TEX11: variants seen among roughly 807,000 people sequenced by gnomAD.
TEX11 encodes the protein testis expressed 11.
Under a neutral mutation model 84.4 loss-of-function variants are expected in TEX11, and 7 were observed. That is an observed-to-expected ratio of 0.08 (90% CI 0.05 to 0.16). The LOEUF (loss-of-function observed/expected upper bound fraction) is 0.16. TEX11 is among the 10% of genes least tolerant of loss of function. The pLI, the probability that TEX11 is intolerant of heterozygous loss-of-function variation, is 1.00. For synonymous variants in TEX11, 264 were observed against 222.8 expected (o/e 1.18, Z -1.64); for missense variants, 551 against 660.5 (o/e 0.83, Z 1.82).
chrX:70,538,071 C>T (rs1432000399), intron 28 of TEX11, among the ~76,000 whole-genome samples: 2 of 111,301 alleles, frequency 1.8e-5, no homozygotes, highest in Non-Finnish European at 3.8e-5. Flanking sequence ...CATAAAAATT[C>T]GTAGTGAGGG....
At chrX:70,613,285 A>G (rs1330161672) in intron 20 of TEX11, among the ~76,000 whole-genome samples, 1 of 111,973 alleles carries the variant, frequency 8.9e-6, no homozygotes, top group African/African-American at 3.2e-5. Context: ...TTGTTGAAAG[A>G]GGAACTGAAG....
At chrX:70,679,427 G>T (rs2147651751) in intron 14 of TEX11, among the ~76,000 whole-genome samples, 1 of 101,054 alleles carries the variant, frequency 9.9e-6, no homozygotes, top group East Asian at 3.2e-4. Flanking sequence ...GAGCCCCTCT[G>T]CCTGGCTGCG....
intron 28 of TEX11, among the ~76,000 whole-genome samples, chrX:70,530,839 T>G (rs1248383177): frequency 2.7e-5 from 3 of 112,050 alleles, no homozygotes; most frequent in Non-Finnish European, 1.9e-5. Flanking sequence ...CTAAAGGTTG[T>G]GCAATGCTTT....
intron 23 of TEX11, among the ~76,000 whole-genome samples, chrX:70,605,787 C>G (rs928904024): frequency 7.2e-5 from 8 of 111,855 alleles, no homozygotes; most frequent in African/African-American, 2.3e-4. Flanking sequence ...GTATCATTCG[C>G]CCTTGTATTT....
At chrX:70,727,299 A>G (rs936176249) in intron 11 of TEX11, among the ~76,000 whole-genome samples, 4 of 111,760 alleles carry the variant, frequency 3.6e-5, no homozygotes, top group Non-Finnish European at 5.6e-5. Context: ...TCTAAAGATA[A>G]TGTACTCATT....
At chrX:70,693,831 G>T (rs1400150652) in intron 13 of TEX11, among the ~76,000 whole-genome samples, 1 of 111,648 alleles carries the variant, frequency 9.0e-6, no homozygotes, top group Non-Finnish European at 1.9e-5. Flanking sequence ...TAGCCTCATT[G>T]TGGTAATCAT....
chrX:70,779,423 A>G (rs1194362545), intron 9 of TEX11, among the ~76,000 whole-genome samples: 1 of 108,870 alleles, frequency 9.2e-6, no homozygotes, highest in East Asian at 2.8e-4. Flanking sequence ...TCAAAAAAAA[A>G]AAAAAAAAAG....
Position 70,554,820 on chromosome X carries a change from G to T in TEX11, c.2141-20C>A. Reference sequence around the variant, plus strand: ...AGGTCCCTAAGAAAGAGGCAAAAATGCAACATTCTTTGTGATTATATTATA... The same window carrying T: ...AGGTCCCTAAGAAAGAGGCAAAAATTCAACATTCTTTGTGATTATATTATA... On this transcript the variant is annotated intron_variant, in intron 25 of 29. Transcript: ENST00000374333. The T allele has an allele frequency of 8.4e-7, 1 of 1,184,212 alleles. No individual in the cohort carries two copies. Among genetic ancestry groups the T allele is most frequent in the Non-Finnish European group, 1.1e-6 (1 of 880,507 alleles).
In TEX11 at chrX:70,782,179, A is replaced by G. The variant is rs762396381; in HGVS notation, c.692+24526T>C. On this transcript the variant is annotated intron_variant, in intron 9 of 29. Transcript: ENST00000374333. ...GGCCAATATTCAACATTCTTAAAGA[A>G]AAGAATTTTCAACCCAGAATTTCAT... Among the ~76,000 whole-genome samples, 140 of 112,048 alleles carry G rather than the reference A, an allele frequency of 1.2e-3. 1 individual carries two copies. The highest frequency in any genetic ancestry group is 4.3e-3 in the African/African-American group (133 of 30,862).
Position 70,624,023 on chromosome X carries a change from T to A in TEX11, c.1695-17A>T. ...AGCAAACACCTGTATGACAAAGTAATATGGAAAGTGATTCTTAGGTTAGGA... is the reference window on the plus strand; with the variant it reads ...AGCAAACACCTGTATGACAAAGTAAAATGGAAAGTGATTCTTAGGTTAGGA... On this transcript the variant is annotated splice_polypyrimidine_tract_variant and intron_variant, in intron 19 of 29. Transcript: ENST00000374333. 8.4e-7 allele frequency: 1 copy of A among 1,184,887 alleles called. No individual in the cohort carries two copies. The highest frequency in any genetic ancestry group is 1.1e-6 in the Non-Finnish European group (1 of 876,917).
the TEX11 span, among the ~76,000 whole-genome samples, chrX:70,521,764 T>C: frequency 1.2e-3 from 138 of 111,959 alleles, no homozygotes; most frequent in Non-Finnish European, 2.4e-3. Context: ...AGTAAGGTAT[T>C]TTGCCTAAGA....
chrX:70,824,727 G>A (rs2091335854), intron 8 of TEX11, among the ~76,000 whole-genome samples: 1 of 110,725 alleles, frequency 9.0e-6, no homozygotes, highest in African/African-American at 3.3e-5. Context: ...TAAGTTCAAG[G>A]CTTATCCTAC....
chrX:70,779,912 C>T (rs2091026842), intron 9 of TEX11, among the ~76,000 whole-genome samples: 1 of 111,744 alleles, frequency 8.9e-6, no homozygotes, highest in South Asian at 3.8e-4. Context: ...AGCCAAGGAC[C>T]TGATGGGTTC....
intron 15 of TEX11, among the ~76,000 whole-genome samples, chrX:70,675,926 G>A (rs932221762): frequency 1.3e-4 from 15 of 111,655 alleles, no homozygotes; most frequent in African/African-American, 4.2e-4. Context: ...CACCGCATCC[G>A]GCCCATTCTA....
intron 9 of TEX11, among the ~76,000 whole-genome samples, chrX:70,783,336 T>A (rs748886448): frequency 5.5e-4 from 61 of 110,967 alleles, no homozygotes; most frequent in African/African-American, 1.9e-3. Context: ...AAGCAGTGTG[T>A]AGAGGGAAAT....
At chrX:70,570,942 C>T (rs2088587440) in intron 25 of TEX11, among the ~76,000 whole-genome samples, 1 of 112,062 alleles carries the variant, frequency 8.9e-6, no homozygotes. Context: ...CTTGATCCAT[C>T]TTGCAAGACT....
chrX:70,853,373 C>A, intron 5 of TEX11, 45 bp from the exon 6 acceptor site: 1 of 926,459 alleles, frequency 1.1e-6, no homozygotes, highest in Non-Finnish European at 1.5e-6. Flanking sequence ...ATTCATACCT[C>A]CCCCAAATTG....
chrX:70,711,755 T>C (rs1318607530), intron 13 of TEX11, among the ~76,000 whole-genome samples: 2 of 111,582 alleles, frequency 1.8e-5, no homozygotes, highest in Non-Finnish European at 3.8e-5. Flanking sequence ...TTCACTCTGA[T>C]GGTAGTTTCT....
Position 70,776,578 on chromosome X carries a change from AAAG to A in TEX11, c.692+30124_692+30126del, listed in dbSNP as rs1478754367. Among the ~76,000 whole-genome samples, 293 of 109,998 alleles carry A rather than the reference AAAG, an allele frequency of 2.7e-3. 1 individual carries two copies. Among genetic ancestry groups the A allele is most frequent in the Non-Finnish European group, 4.6e-3 (241 of 52,722 alleles). ...GACCCTGTCTTGGAAAAAAAAAAAA[AAAG>A]AAGAAGAATGAGATACAGTCATTTG... On this transcript the variant is annotated intron_variant, in intron 9 of 29. Transcript: ENST00000374333.
Sources: allele counts gnomAD v4.1 joint callset (sites outside exome capture counted in the v4.1 genomes callset), GRCh38; gene constraint gnomAD v4.1.1; transcripts MANE v1.5; gene names NCBI Gene and HGNC (gene_info 2026-07-23, HGNC 2026-07-21).